Variants in CENPW observed in about 807,000 individuals in gnomAD.
CENPW encodes the protein cancer-up-regulated gene 2 protein.
In CENPW, 3 loss-of-function variants were observed where a neutral mutation model predicts 11.1. The ratio of observed to expected loss-of-function variants is 0.27; its 90% CI spans 0.12 to 0.70. The LOEUF is 0.70. Among genes scored for constraint, CENPW ranks in the 30% least tolerant of loss-of-function variants. The pLI is 0.77. For missense variants in CENPW, 100 were observed against 105.6 expected, an observed-to-expected ratio of 0.95 and a Z score of 0.23; for synonymous variants, 38 against 42.0, an observed-to-expected ratio of 0.91 and a Z score of 0.37.
At chr6:126,433,818 G>T in the CENPW span, among the ~76,000 whole-genome samples, 2 of 152,036 alleles carry the variant, frequency 1.3e-5, no homozygotes, top group East Asian at 3.9e-4. Flanking sequence ...TGGGTAAGGG[G>T]AACGGCTGAA....
chr6:126,435,973 A>G, the CENPW span, among the ~76,000 whole-genome samples: 3 of 151,894 alleles, frequency 2.0e-5, no homozygotes, highest in Admixed American at 6.6e-5. Flanking sequence ...CTTTCATTAA[A>G]AGCTTGGCTT....
downstream of CENPW, among the ~76,000 whole-genome samples, chr6:126,352,227 G>T (rs1780500017): frequency 6.6e-6 from 1 of 152,118 alleles, no homozygotes; most frequent in Admixed American, 6.5e-5. Context: ...GTGTTGAGTT[G>T]TTGCAGCAAA....
At chr6:126,340,444 G>C in intron 1 of CENPW, 45 bp downstream of exon 1, 2 of 1,614,006 alleles carry the variant, frequency 1.2e-6, no homozygotes, top group Non-Finnish European at 1.7e-6. Context: ...GCACGGGAGA[G>C]GTAAGGGCAA....
At chr6:126,442,967 A>G in the CENPW span, among the ~76,000 whole-genome samples, 1 of 151,086 alleles carries the variant, frequency 6.6e-6, no homozygotes, top group Non-Finnish European at 1.5e-5. Flanking sequence ...GATCACTGTG[A>G]TCTGATGTTA....
At chr6:126,357,023 A>G in the CENPW span, among the ~76,000 whole-genome samples, 4 of 152,206 alleles carry the variant, frequency 2.6e-5, no homozygotes, top group Middle Eastern at 3.2e-3. Context: ...GCCAAGGCCA[A>G]TGTTGAGAAG....
the CENPW span, among the ~76,000 whole-genome samples, chr6:126,392,400 CT>C: frequency 6.6e-6 from 1 of 151,776 alleles, no homozygotes; most frequent in East Asian, 1.9e-4. Flanking sequence ...TGATGAAAGA[CT>C]TTCAGTTTTC....
At chr6:126,411,936 C>T in the CENPW span, among the ~76,000 whole-genome samples, 6 of 48,520 alleles carry the variant, frequency 1.2e-4, no homozygotes, top group Non-Finnish European at 2.5e-4. Flanking sequence ...TTTCTTCTTC[C>T]CTCCCTCCTT....
At chr6:126,450,729 G>C in the CENPW span, among the ~76,000 whole-genome samples, 1 of 150,868 alleles carries the variant, frequency 6.6e-6, no homozygotes, top group Non-Finnish European at 1.5e-5. Context: ...TAGATTTACA[G>C]AATGTTATAT....
At chr6:126,440,779 A>G in the CENPW span, among the ~76,000 whole-genome samples, 1 of 151,514 alleles carries the variant, frequency 6.6e-6, no homozygotes, top group South Asian at 2.1e-4. Flanking sequence ...GCCTAGCTTA[A>G]TAACATTTTA....
the CENPW span, among the ~76,000 whole-genome samples, chr6:126,386,080 G>A: frequency 9.9e-5 from 15 of 151,966 alleles, no homozygotes; most frequent in African/African-American, 3.6e-4. Context: ...ATTATCCTTC[G>A]GAGTGAGTTT....
the CENPW span, among the ~76,000 whole-genome samples, chr6:126,432,993 G>T: frequency 2.6e-5 from 4 of 152,144 alleles, no homozygotes; most frequent in African/African-American, 9.7e-5. Context: ...AGAGAAAACA[G>T]TGATTTTGTG....
At chr6:126,386,107 T>TCAAG in the CENPW span, among the ~76,000 whole-genome samples, 1 of 152,064 alleles carries the variant, frequency 6.6e-6, no homozygotes, top group Non-Finnish European at 1.5e-5. Flanking sequence ...TAGTAGGAGT[T>TCAAG]ATTTCAAACC....
chr6:126,416,275 C>G, the CENPW span, among the ~76,000 whole-genome samples: 1 of 152,246 alleles, frequency 6.6e-6, no homozygotes, highest in Admixed American at 6.5e-5. Context: ...GAAGAAATTT[C>G]TAAGCAGCAA....
the CENPW span, among the ~76,000 whole-genome samples, chr6:126,392,921 C>A: frequency 6.6e-6 from 1 of 151,784 alleles, no homozygotes; most frequent in Non-Finnish European, 1.5e-5. Context: ...CCATTGGGTC[C>A]TGGGCTTTTA....
the CENPW span, among the ~76,000 whole-genome samples, chr6:126,368,469 CTT>C: frequency 6.6e-6 from 1 of 151,126 alleles, no homozygotes; most frequent in Non-Finnish European, 1.5e-5. Flanking sequence ...AAATTAAAAA[CTT>C]TAATGTATTG....
the CENPW span, among the ~76,000 whole-genome samples, chr6:126,461,505 C>G: frequency 4.0e-5 from 6 of 151,874 alleles, no homozygotes; most frequent in Admixed American, 3.9e-4. Context: ...ACTTTGGAGT[C>G]AGACAGAATT....
chr6:126,470,769 T>C, the CENPW span, among the ~76,000 whole-genome samples: 1 of 152,202 alleles, frequency 6.6e-6, no homozygotes, highest in East Asian at 1.9e-4. Context: ...GTGTGAGACA[T>C]GGAGTAAAAG....
At chr6:126,349,475 C>A (rs1450388366), downstream of CENPW, among the ~76,000 whole-genome samples, 1 of 152,084 alleles carries the variant, frequency 6.6e-6, no homozygotes, top group Admixed American at 6.6e-5. Context: ...TTCCTAAACC[C>A]TGGCAACCAT....
At chr6:126,410,842 T>A in the CENPW span, among the ~76,000 whole-genome samples, 1 of 152,064 alleles carries the variant, frequency 6.6e-6, no homozygotes, top group African/African-American at 2.4e-5. Context: ...TGATTTTTTA[T>A]ATTTATTTTT....
Sources: gnomAD v4.1 joint callset for allele counts (sites outside exome capture counted in the v4.1 genomes callset) on GRCh38, gnomAD v4.1.1 for gene constraint, MANE v1.5 for transcripts, NCBI Gene and HGNC (gene_info 2026-07-23, HGNC 2026-07-21) for gene names.